ST18: variants seen among roughly 807,000 people sequenced by gnomAD.
ST18 encodes ST18 C2H2C-type zinc finger transcription factor.
Under a neutral mutation model 110.0 loss-of-function variants are expected in ST18, and 50 were observed. The ratio of observed to expected loss-of-function variants is 0.45; its 90% confidence interval spans 0.36 to 0.58. The LOEUF (loss-of-function observed/expected upper bound fraction) is 0.58, where lower values mean the gene tolerates loss of function less well. Ranked by LOEUF, ST18 falls within the 20% of genes least tolerant of loss-of-function variation. The pLI, the probability that ST18 is intolerant of heterozygous loss-of-function variation, is 0.00. For missense variants in ST18, 1,306 were observed against 1,280.1 expected (o/e 1.02, Z -0.31); for synonymous variants, 461 against 452.4 (o/e 1.02, Z -0.24).
At chr8:52,175,738 C>G (rs578155428) in intron 9 of ST18, among the ~76,000 whole-genome samples, 14 of 152,104 alleles carry the variant, frequency 9.2e-5, no homozygotes, top group Non-Finnish European at 1.9e-4. Context: ...AGAAGGGAAA[C>G]TACAATTCTA....
intron 2 of ST18, among the ~76,000 whole-genome samples, chr8:52,271,848 C>T (rs923622591): frequency 6.6e-6 from 1 of 152,140 alleles, no homozygotes; most frequent in African/African-American, 2.4e-5. Context: ...CAAGTAACTT[C>T]AAAATAAAGT....
intron 2 of ST18, among the ~76,000 whole-genome samples, chr8:52,329,383 G>A (rs112346605): frequency 0.014 from 2,204 of 152,054 alleles, 27 homozygotes; most frequent in Non-Finnish European, 0.023. Flanking sequence ...GCCTCCAGCA[G>A]ATCCCAAAGA....
At chr8:52,401,637 A>G (rs374694209) in intron 2 of ST18, among the ~76,000 whole-genome samples, 12 of 151,978 alleles carry the variant, frequency 7.9e-5, no homozygotes, top group African/African-American at 2.7e-4. Context: ...TTATTCAGCT[A>G]TAAGATTTCT....
chr8:52,379,239 A>G (rs902304180), intron 2 of ST18, among the ~76,000 whole-genome samples: 1 of 151,802 alleles, frequency 6.6e-6, no homozygotes, highest in Admixed American at 6.6e-5. Flanking sequence ...CTGGGATTAC[A>G]GGTGTGCACG....
At chr8:52,340,033 T>C (rs1312650843) in intron 2 of ST18, among the ~76,000 whole-genome samples, 4 of 152,256 alleles carry the variant, frequency 2.6e-5, no homozygotes. Flanking sequence ...AGTTGGGTTA[T>C]GTTACACACA....
At chr8:52,114,858 A>G (rs2041975316) in intron 25 of ST18, among the ~76,000 whole-genome samples, 1 of 152,216 alleles carries the variant, frequency 6.6e-6, no homozygotes, top group South Asian at 2.1e-4. Flanking sequence ...TGTGATCAGC[A>G]CTAAAAATCA....
rs531417300 is a variant in ST18 at position 52,212,946 on chromosome 8, C to T, written c.56-837G>A. ...GAAATTCAAATAATCGAAATACACACTCTAGCATGCTGATATTTATGGCAG... is the reference window on the plus strand; with the variant it reads ...GAAATTCAAATAATCGAAATACACATTCTAGCATGCTGATATTTATGGCAG... On this transcript the variant is annotated intron_variant, in intron 7 of 25. Coordinates refer to ENST00000689386, the MANE Select transcript of ST18 (RefSeq NM_001352837.2). Among the ~76,000 whole-genome samples the T allele has an allele frequency of 2.4e-3, 368 of 152,310 alleles. 3 individuals are homozygous for T. The highest frequency in any genetic ancestry group is 8.7e-3 in the African/African-American group (363 of 41,560).
At chr8:52,297,697 A>G (rs2095656190) in intron 2 of ST18, among the ~76,000 whole-genome samples, 1 of 152,248 alleles carries the variant, frequency 6.6e-6, no homozygotes, top group Non-Finnish European at 1.5e-5. Context: ...ATTGTAACAA[A>G]CATGTAATGT....
intron 23 of ST18, among the ~76,000 whole-genome samples, chr8:52,119,720 G>C (rs1177185717): frequency 6.6e-6 from 1 of 152,154 alleles, no homozygotes; most frequent in Non-Finnish European, 1.5e-5. Flanking sequence ...AACAACACGG[G>C]AGATTCTTAG....
chr8:52,296,138 TG>T (rs2095633701), intron 2 of ST18, among the ~76,000 whole-genome samples: 1 of 152,130 alleles, frequency 6.6e-6, no homozygotes, highest in African/African-American at 2.4e-5. Flanking sequence ...AAAGAAATAG[TG>T]CAATGCTGGG....
intron 8 of ST18, among the ~76,000 whole-genome samples, chr8:52,211,312 A>C (rs1313793582): frequency 6.6e-6 from 1 of 151,728 alleles, no homozygotes; most frequent in African/African-American, 2.4e-5. Context: ...CCACTCAAAA[A>C]AACTATTGGT....
intron 14 of ST18, among the ~76,000 whole-genome samples, chr8:52,159,354 T>A (rs2060829062): frequency 6.6e-6 from 1 of 151,186 alleles, no homozygotes; most frequent in African/African-American, 2.5e-5. Context: ...TATTTACGCT[T>A]CTTATGACAA....
At chr8:52,186,629 G>A (rs551032808) in intron 8 of ST18, among the ~76,000 whole-genome samples, 3 of 152,314 alleles carry the variant, frequency 2.0e-5, no homozygotes, top group East Asian at 1.9e-4. Context: ...CACAGCAGTA[G>A]TCTCTCCCAT....
chr8:52,407,981 G>GT (rs1398810586), intron 2 of ST18: 4 of 152,044 alleles, frequency 2.6e-5, no homozygotes, highest in African/African-American at 4.8e-5. Flanking sequence ...CAAAGCAAAG[G>GT]TTTTTTTAAT....
At chr8:52,215,592 A>G (rs968501178) in intron 6 of ST18, among the ~76,000 whole-genome samples, 1 of 152,246 alleles carries the variant, frequency 6.6e-6, no homozygotes, top group Non-Finnish European at 1.5e-5. Context: ...AAACTAGCAA[A>G]CAAAAAGTGT....
At chr8:52,246,300 C>A (rs920891546) in intron 2 of ST18, among the ~76,000 whole-genome samples, 2 of 151,410 alleles carry the variant, frequency 1.3e-5, no homozygotes, top group African/African-American at 2.4e-5. Flanking sequence ...CAATCTAAGC[C>A]AAAAAACTTA....
chr8:52,395,108 G>A (rs1297788323), intron 2 of ST18, among the ~76,000 whole-genome samples: 1 of 152,190 alleles, frequency 6.6e-6, no homozygotes, highest in Non-Finnish European at 1.5e-5. Flanking sequence ...GTCACAGAGT[G>A]TCCTGGCTGG....
rs768465800 is a variant in ST18 at position 52,299,834 on chromosome 8, C to T, written c.-464-69757G>A. Among the ~76,000 whole-genome samples the T allele has an allele frequency of 1.6e-4, 24 of 152,304 alleles. No homozygotes were observed. In the Middle Eastern group the frequency reaches 0.01, roughly 65 times the overall value. ...CAAACACTCATGGAAGTTTACTTTTCTGCCACAGAGCTCAGTTCAAGTCGT... is the reference window on the plus strand; with the variant it reads ...CAAACACTCATGGAAGTTTACTTTTTTGCCACAGAGCTCAGTTCAAGTCGT... On this transcript the variant is annotated intron_variant, in intron 2 of 25. Coordinates refer to ENST00000689386, the MANE Select transcript of ST18 (RefSeq NM_001352837.2).
At chr8:52,318,544 G>T (rs529636407) in intron 2 of ST18, among the ~76,000 whole-genome samples, 90 of 152,272 alleles carry the variant, frequency 5.9e-4, no homozygotes, top group Admixed American at 1.8e-3. Flanking sequence ...TCCCATTACT[G>T]TGTATATACC....
Sources: gnomAD v4.1 joint callset for allele counts (sites outside exome capture counted in the v4.1 genomes callset) on GRCh38, gnomAD v4.1.1 for gene constraint, MANE v1.5 for transcripts, NCBI Gene and HGNC (gene_info 2026-07-23, HGNC 2026-07-21) for gene names.